The following ORC3 variants were observed in gnomAD, a reference collection of about 807,000 sequenced individuals.
The protein encoded by ORC3 is origin recognition complex subunit 3.
Under a neutral mutation model 100.7 loss-of-function variants are expected in ORC3, and 78 were observed. The observed-to-expected ratio is 0.77, with a 90% CI of 0.65 to 0.94. The LOEUF is 0.94. ORC3 is among the 40% of genes least tolerant of loss of function. ORC3 has a pLI of 0.00. For synonymous variants in ORC3, 295 were observed against 289.3 expected (o/e 1.02, Z -0.20); for missense variants, 789 against 823.9 (o/e 0.96, Z 0.52).
intron 13 of ORC3, among the ~76,000 whole-genome samples, chr6:87,644,392 CGGCT>C (rs1768575545): frequency 3.3e-5 from 5 of 151,394 alleles, no homozygotes; most frequent in Non-Finnish European, 7.4e-5. Flanking sequence ...CGCGCCCGGC[CGGCT>C]GACTGTACTT....
chr6:87,665,810 A>G lies in ORC3; in HGVS notation c.2007A>G (p.Ser669=). 1 of 1,609,218 alleles carries G rather than the reference A, an allele frequency of 6.2e-7. No homozygotes were observed. Among genetic ancestry groups the G allele is most frequent in the East Asian group, 2.2e-5 (1 of 44,762 alleles). Residue 669 remains serine, a synonymous_variant, in exon 19 of 20, where the codon TCA becomes TCG. Coordinates refer to ENST00000392844, the MANE Select transcript of ORC3 (RefSeq NM_012381.4). ...AEKMDANSAT[S]EEMNEIIHAR... is the part of the protein sequence containing the mutation. Reference sequence around the variant, plus strand: ...AAATGGATGCAAATTCTGCAACCTCAGAAGAAATGAATGAAATTATCCAGT... The same window carrying G: ...AAATGGATGCAAATTCTGCAACCTCGGAAGAAATGAATGAAATTATCCAGT...
chr6:87,628,058 A>G (rs1780052260), intron 11 of ORC3, among the ~76,000 whole-genome samples: 1 of 152,242 alleles, frequency 6.6e-6, no homozygotes, highest in Admixed American at 6.5e-5. Context: ...TGAACTCAGT[A>G]ATGAGTTTTT....
chr6:87,622,100 CAT>C (rs1391495403), intron 11 of ORC3, 87 bp downstream of exon 11: 2 of 841,038 alleles, frequency 2.4e-6, no homozygotes, highest in Non-Finnish European at 2.0e-6. Context: ...GTTAATAAAA[CAT>C]ATTTGTGCAT....
chr6:87,654,845 A>G (rs1284917832), intron 14 of ORC3, among the ~76,000 whole-genome samples: 1 of 152,204 alleles, frequency 6.6e-6, no homozygotes, highest in Non-Finnish European at 1.5e-5. Flanking sequence ...ATTTTTAATT[A>G]GAGTTCATAT....
chr6:87,661,040 A>G (rs1013526292), intron 16 of ORC3, among the ~76,000 whole-genome samples: 2 of 152,230 alleles, frequency 1.3e-5, no homozygotes, highest in African/African-American at 2.4e-5. Context: ...CTGAATTTCT[A>G]TATATCACAT....
Position 87,594,421 on chromosome 6 carries a change from A to G in ORC3, c.79+14A>G, listed in dbSNP as rs762881176. 6.4e-7 allele frequency: 1 copy of G among 1,557,184 alleles called. No homozygotes were observed. Among genetic ancestry groups the G allele is most frequent in the Non-Finnish European group, 8.7e-7 (1 of 1,143,344 alleles). On this transcript the variant is annotated intron_variant, in intron 2 of 19. Transcript: ENST00000392844. ...CTCTGCCAATAGGTAAGGTGTCTGAATATTAAATTTTTTATTCCCTACCTT... is the reference window on the plus strand; with the variant it reads ...CTCTGCCAATAGGTAAGGTGTCTGAGTATTAAATTTTTTATTCCCTACCTT...
At chr6:87,612,068 G>T in intron 7 of ORC3, 21 bp from the exon 8 acceptor site, 1 of 1,601,290 alleles carries the variant, frequency 6.2e-7, no homozygotes, top group Non-Finnish European at 8.5e-7. Flanking sequence ...TTTCACTTTT[G>T]TGTCTGTCTT....
chr6:87,603,837 A>G (rs1778147206), intron 4 of ORC3, among the ~76,000 whole-genome samples: 1 of 152,218 alleles, frequency 6.6e-6, no homozygotes, highest in African/African-American at 2.4e-5. Context: ...ACAAGAGTAT[A>G]TGAGATTTGG....
chr6:87,668,977 T>C (rs1770773912), downstream of ORC3, among the ~76,000 whole-genome samples: 1 of 151,890 alleles, frequency 6.6e-6, no homozygotes, highest in Non-Finnish European at 1.5e-5. Flanking sequence ...AGCGAGACTC[T>C]GTATCAAAAA....
At chr6:87,623,257 G>A (rs550057097) in intron 11 of ORC3, among the ~76,000 whole-genome samples, 9 of 152,180 alleles carry the variant, frequency 5.9e-5, no homozygotes, top group Non-Finnish European at 1.2e-4. Flanking sequence ...ACACTGGGCC[G>A]TAATATAAAG....
At chr6:87,638,861 T>C (rs1423354472) in intron 13 of ORC3, among the ~76,000 whole-genome samples, 1 of 152,084 alleles carries the variant, frequency 6.6e-6, no homozygotes, top group African/African-American at 2.4e-5. Context: ...AGTACTTATA[T>C]GTGAATAAGT....
intron 13 of ORC3, among the ~76,000 whole-genome samples, chr6:87,641,946 T>G (rs1021736512): frequency 2.0e-5 from 3 of 152,148 alleles, no homozygotes; most frequent in Admixed American, 2.0e-4. Flanking sequence ...CCTAATAATC[T>G]AACTTATGAT....
intron 2 of ORC3, among the ~76,000 whole-genome samples, chr6:87,600,173 A>G (rs1777788272): frequency 1.3e-5 from 2 of 152,238 alleles, no homozygotes; most frequent in African/African-American, 2.4e-5. Context: ...AAGTGAATTT[A>G]TATTCCAAAC....
chr6:87,660,943 G>A (rs1453027333), intron 16 of ORC3, among the ~76,000 whole-genome samples: 3 of 152,242 alleles, frequency 2.0e-5, no homozygotes, highest in Non-Finnish European at 4.4e-5. Flanking sequence ...AATGTAGCCA[G>A]TGGAAACAAA....
In ORC3 at chr6:87,607,829, ATAT is replaced by A; in HGVS notation, c.579+6_579+8del. On this transcript the variant is annotated splice_donor_region_variant and intron_variant, in intron 6 of 19. Coordinates refer to ENST00000392844, the MANE Select transcript of ORC3 (RefSeq NM_012381.4). ...TGGTATATGACTGTCACACAGGTAG[ATAT>A]AAACTGATGATTTTCTCCCAGGAAA... 4.4e-6 allele frequency: 7 copies of A among 1,592,404 alleles called. No individual in the cohort carries two copies. The highest frequency in any genetic ancestry group is 6.0e-6 in the Non-Finnish European group (7 of 1,166,698).
intron 13 of ORC3, among the ~76,000 whole-genome samples, chr6:87,641,981 C>A (rs13198094): frequency 0.064 from 9,767 of 152,138 alleles, 406 homozygotes; most frequent in African/African-American, 0.12. Context: ...CATCCAAGAG[C>A]TTTGTAAGAC....
rs1408078423 is a variant in ORC3, at chr6:87,599,647, T to C, written c.80-2137T>C. Reference sequence around the variant, plus strand: ...TCCCAAAGCGCTGGGATTACAGGCATGTGCCACCACGCTGGCCTGCTTTGT... The same window carrying C: ...TCCCAAAGCGCTGGGATTACAGGCACGTGCCACCACGCTGGCCTGCTTTGT... On this transcript the variant is annotated intron_variant, in intron 2 of 19. Transcript: ENST00000392844. Among the ~76,000 whole-genome samples the C allele has an allele frequency of 3.3e-5, 5 of 151,016 alleles. No homozygotes were observed. The South Asian group carries it at 6.4e-4, about 19-fold the overall frequency.
At chr6:87,629,575 T>C (rs368370846) in intron 11 of ORC3, among the ~76,000 whole-genome samples, 15 of 134,998 alleles carry the variant, frequency 1.1e-4, no homozygotes, top group Non-Finnish European at 1.9e-4. Context: ...TTTTAAAAAA[T>C]AGATTCAGGG....
intron 13 of ORC3, among the ~76,000 whole-genome samples, chr6:87,652,468 A>C (rs577651022): frequency 6.6e-6 from 1 of 152,344 alleles, no homozygotes; most frequent in East Asian, 1.9e-4. Context: ...CTGTGCTATA[A>C]ATAACAATTA....
Sources: gnomAD v4.1 joint callset for allele counts (sites outside exome capture counted in the v4.1 genomes callset) on GRCh38, gnomAD v4.1.1 for gene constraint, MANE v1.5 for transcripts, NCBI Gene and HGNC (gene_info 2026-07-23, HGNC 2026-07-21) for gene names.